ZEB1: variants seen among roughly 807,000 people sequenced by gnomAD.
ZEB1 encodes the protein zinc finger E-box-binding homeobox 1.
A neutral mutation model predicts 84.9 loss-of-function variants in ZEB1; 21 were observed. The ratio of observed to expected loss-of-function variants is 0.25; its 90% CI spans 0.18 to 0.36. ZEB1 has a LOEUF of 0.36. ZEB1 is among the 10% of genes least tolerant of loss of function. The pLI, the probability that ZEB1 is intolerant of heterozygous loss-of-function variation, is 1.00. For synonymous variants in ZEB1, 420 were observed against 471.1 expected (o/e 0.89, Z 1.41); for missense variants, 1,104 against 1,330.2 (o/e 0.83, Z 2.65).
Position 31,325,767 on chromosome 10 carries a change from C to T in ZEB1, c.58+6475C>T, listed in dbSNP as rs941767403. Among the ~76,000 whole-genome samples, 14 of 151,880 alleles carry T rather than the reference C, an allele frequency of 9.2e-5. No individual in the cohort carries two copies. The South Asian group carries it at 2.7e-3, about 29-fold the overall frequency. ...CTATATTGAAAGTCCTCTGTTTTCT[C>T]TTTTTAAAATATTCTAATTTTAAAT... On this transcript the variant is annotated intron_variant, in intron 1 of 8. Coordinates refer to ENST00000424869, the MANE Select transcript of ZEB1 (RefSeq NM_001174096.2).
intron 1 of ZEB1, among the ~76,000 whole-genome samples, chr10:31,429,733 CTTTTTTT>C (rs35031058): frequency 7.5e-5 from 6 of 79,546 alleles, no homozygotes; most frequent in Non-Finnish European, 1.4e-4. Context: ...ACAGGCAGAA[CTTTTTTT>C]TTTTTTTTTT....
intron 1 of ZEB1, among the ~76,000 whole-genome samples, chr10:31,401,089 A>G (rs1430188454): frequency 6.6e-6 from 1 of 152,166 alleles, no homozygotes; most frequent in Non-Finnish European, 1.5e-5. Flanking sequence ...ATTTGTGCAT[A>G]TAACTTCTTG....
intron 1 of ZEB1, among the ~76,000 whole-genome samples, chr10:31,405,300 C>T (rs2052769526): frequency 6.6e-6 from 1 of 152,066 alleles, no homozygotes; most frequent in African/African-American, 2.4e-5. Context: ...ATGGAAGTGT[C>T]AAAGGTGGTC....
In ZEB1 at chr10:31,521,677, G is replaced by A. The variant is rs751082362; in HGVS notation, c.2345G>A (p.Ser782Asn). 2.5e-6 allele frequency: 4 copies of A among 1,614,158 alleles called. No homozygotes were observed. Among genetic ancestry groups the A allele is most frequent in the Admixed American group, 1.7e-5 (1 of 60,022 alleles). Residue 782 changes from serine to asparagine, a missense_variant, in exon 7 of 9, where the codon AGT becomes AAT. Transcript: ENST00000424869. ...SCAKKEPQKD[S>N]CVTDSEPVVN... ...GCAAAAAAGGAGCCACAAAAGGACA[G>A]TTGTGTTACAGACTCAGAACCAGTT...
chr10:31,477,656 A>C (rs1393666822), intron 2 of ZEB1, among the ~76,000 whole-genome samples: 1 of 152,038 alleles, frequency 6.6e-6, no homozygotes, highest in Non-Finnish European at 1.5e-5. Flanking sequence ...TACCATGATA[A>C]AGATGGACAC....
intron 1 of ZEB1, among the ~76,000 whole-genome samples, chr10:31,444,913 A>G (rs1053753673): frequency 1.3e-5 from 2 of 152,086 alleles, no homozygotes; most frequent in South Asian, 2.1e-4. Flanking sequence ...TTTTGGTTCC[A>G]TATGAACTTT....
chr10:31,422,370 A>G (rs2056315731), intron 1 of ZEB1, among the ~76,000 whole-genome samples: 1 of 152,158 alleles, frequency 6.6e-6, no homozygotes, highest in African/African-American at 2.4e-5. Context: ...ATGTTCAGGA[A>G]TCTTCATATT....
intron 1 of ZEB1, among the ~76,000 whole-genome samples, chr10:31,420,342 C>T (rs547918521): frequency 7.9e-5 from 12 of 152,130 alleles, no homozygotes; most frequent in Non-Finnish European, 1.6e-4. Flanking sequence ...AGGTACCAGC[C>T]AGGCTACATT....
intron 3 of ZEB1, among the ~76,000 whole-genome samples, chr10:31,499,367 T>A (rs541575669): frequency 5.3e-5 from 8 of 152,292 alleles, no homozygotes; most frequent in African/African-American, 1.9e-4. Context: ...TGAAAAACAC[T>A]TTTATTACAT....
chr10:31,474,090 CTAAAACCG>C (rs1289375852), intron 2 of ZEB1, among the ~76,000 whole-genome samples: 3 of 152,110 alleles, frequency 2.0e-5, no homozygotes, highest in South Asian at 2.1e-4. Flanking sequence ...AATGTTAAAC[CTAAAACCG>C]TAAAAACCCT....
chr10:31,507,587 C>A (rs1028278650), intron 4 of ZEB1, among the ~76,000 whole-genome samples: 2 of 151,728 alleles, frequency 1.3e-5, no homozygotes, highest in Non-Finnish European at 1.5e-5. Context: ...TTCTAAAATT[C>A]TTCTTCTGCT....
chr10:31,357,846 T>C (rs2042359967), intron 1 of ZEB1, among the ~76,000 whole-genome samples: 1 of 152,140 alleles, frequency 6.6e-6, no homozygotes, highest in Admixed American at 6.5e-5. Flanking sequence ...GTTTGTCGTC[T>C]ACTCTACTCT....
At chr10:31,371,885 C>T (rs1485106188) in intron 1 of ZEB1, among the ~76,000 whole-genome samples, 2 of 152,122 alleles carry the variant, frequency 1.3e-5, no homozygotes, top group African/African-American at 4.8e-5. Context: ...TTTCTGAAGT[C>T]AGTTTCTCTT....
At chr10:31,401,408 T>C (rs1470191132) in intron 1 of ZEB1, among the ~76,000 whole-genome samples, 2 of 152,192 alleles carry the variant, frequency 1.3e-5, no homozygotes, top group African/African-American at 4.8e-5. Flanking sequence ...AGGAGGATTA[T>C]CTGAAATCAG....
rs971281830 is a variant in ZEB1 at position 31,499,381 on chromosome 10, C to T, written c.323-2967C>T. Among the ~76,000 whole-genome samples the T allele has an allele frequency of 2.0e-5, 3 of 152,094 alleles. No homozygotes were observed. The South Asian group carries it at 6.2e-4, about 31-fold the overall frequency. On this transcript the variant is annotated intron_variant, in intron 3 of 8. Transcript: ENST00000424869. The stretch of plus-strand genomic sequence containing the variant: ...ATGAAAAACACTTTTATTACATGAA[C>T]TGTATTTTGAGCAATACCTTATTGG...
At chr10:31,447,863 A>G (rs1379617585) in intron 1 of ZEB1, among the ~76,000 whole-genome samples, 3 of 151,836 alleles carry the variant, frequency 2.0e-5, no homozygotes, top group African/African-American at 2.4e-5. Context: ...CTTCATTTCA[A>G]CTTTGGTGAA....
intron 3 of ZEB1, among the ~76,000 whole-genome samples, chr10:31,499,240 T>C (rs1051008832): frequency 6.6e-6 from 1 of 152,222 alleles, no homozygotes; most frequent in African/African-American, 2.4e-5. Context: ...GGACTAATGA[T>C]ACCTGTTTTG....
intron 1 of ZEB1, among the ~76,000 whole-genome samples, chr10:31,424,187 A>G (rs1042474400): frequency 6.6e-6 from 1 of 152,022 alleles, no homozygotes; most frequent in Non-Finnish European, 1.5e-5. Flanking sequence ...CATTTATACC[A>G]TCAGCTTTAT....
intron 2 of ZEB1, among the ~76,000 whole-genome samples, chr10:31,474,095 A>C (rs1265995573): frequency 6.6e-6 from 1 of 152,204 alleles, no homozygotes; most frequent in Non-Finnish European, 1.5e-5. Flanking sequence ...TAAACCTAAA[A>C]CCGTAAAAAC....
Sources: gnomAD v4.1 joint callset for allele counts (sites outside exome capture counted in the v4.1 genomes callset) on GRCh38, gnomAD v4.1.1 for gene constraint, MANE v1.5 for transcripts, NCBI Gene and HGNC (gene_info 2026-07-23, HGNC 2026-07-21) for gene names.